Variants in PTCHD4 observed in about 807,000 individuals in gnomAD.
PTCHD4 encodes patched domain containing 4, also known as patched domain-containing protein 4.
In PTCHD4, 33 loss-of-function variants were observed where a neutral mutation model predicts 58.1. The observed-to-expected ratio is 0.57, with a 90% CI of 0.43 to 0.76. The LOEUF (loss-of-function observed/expected upper bound fraction) is 0.76, where lower values mean the gene tolerates loss of function less well. PTCHD4 is among the 30% of genes least tolerant of loss of function. The pLI, the probability that PTCHD4 is intolerant of heterozygous loss-of-function variation, is 0.00. For missense variants in PTCHD4, 1,058 were observed against 1,027.1 expected (o/e 1.03, Z -0.41); for synonymous variants, 478 against 409.6 (o/e 1.17, Z -2.02).
At chr6:47,951,036 A>C (rs565139314) in intron 4 of PTCHD4, among the ~76,000 whole-genome samples, 4 of 152,316 alleles carry the variant, frequency 2.6e-5, no homozygotes, top group African/African-American at 9.6e-5. Context: ...AAAAGAAAAA[A>C]ATCAAGGATT....
chr6:48,090,537 G>A (rs190014279), intron 1 of PTCHD4, among the ~76,000 whole-genome samples: 85 of 152,200 alleles, frequency 5.6e-4, no homozygotes, highest in African/African-American at 2.0e-3. Context: ...TTTTAACTGA[G>A]ACCTGCCTAA....
rs551290577 is a variant in PTCHD4 at position 47,908,538 on chromosome 6, G to A, written c.899-28602C>T. On this transcript the variant is annotated intron_variant, in intron 4 of 4. Coordinates refer to ENST00000339488, the MANE Select transcript of PTCHD4 (RefSeq NM_001384253.1). ...GATATAAATATGATATTACCCCATT[G>A]TGGGGGTCCTTTTGAACATAATGCC... Among the ~76,000 whole-genome samples, 4 of 152,282 alleles carry A rather than the reference G, an allele frequency of 2.6e-5. No individual in the cohort carries two copies. The South Asian group carries it at 6.2e-4, about 24-fold the overall frequency.
intron 4 of PTCHD4, among the ~76,000 whole-genome samples, chr6:47,906,498 G>A (rs1477801073): frequency 6.6e-6 from 1 of 152,172 alleles, no homozygotes; most frequent in East Asian, 1.9e-4. Flanking sequence ...GTTCTTTTGA[G>A]GGGTGGGGCA....
At chr6:47,964,081 T>C (rs1414444079) in intron 4 of PTCHD4, among the ~76,000 whole-genome samples, 2 of 152,184 alleles carry the variant, frequency 1.3e-5, no homozygotes, top group African/African-American at 4.8e-5. Flanking sequence ...ATTCCACTTA[T>C]AAGCATTATC....
intron 4 of PTCHD4, among the ~76,000 whole-genome samples, chr6:47,924,967 T>C (rs1167611460): frequency 1.3e-5 from 2 of 149,868 alleles, no homozygotes; most frequent in African/African-American, 2.4e-5. Context: ...AGCATATACA[T>C]ATATATACAT....
chr6:48,084,207 T>C (rs1037725223), intron 1 of PTCHD4, among the ~76,000 whole-genome samples: 11 of 152,202 alleles, frequency 7.2e-5, no homozygotes, highest in Non-Finnish European at 1.6e-4. Flanking sequence ...CTACAAAGCA[T>C]ATGATTTAAT....
intron 4 of PTCHD4, among the ~76,000 whole-genome samples, chr6:48,008,091 T>C (rs988644530): frequency 6.6e-6 from 1 of 152,208 alleles, no homozygotes; most frequent in Non-Finnish European, 1.5e-5. Context: ...TAGAGGATAT[T>C]TCTAAGTGGC....
intron 1 of PTCHD4, among the ~76,000 whole-genome samples, chr6:48,087,540 T>C (rs1016717047): frequency 6.6e-6 from 1 of 152,222 alleles, no homozygotes; most frequent in African/African-American, 2.4e-5. Context: ...GCATACATTG[T>C]CTTATTTAAT....
intron 4 of PTCHD4, among the ~76,000 whole-genome samples, chr6:47,939,884 C>G (rs892562026): frequency 6.6e-6 from 1 of 151,992 alleles, no homozygotes; most frequent in African/African-American, 2.4e-5. Flanking sequence ...CCTATGTTGC[C>G]CTGAAACTGG....
At chr6:48,011,220 C>G (rs1762658581) in intron 3 of PTCHD4, among the ~76,000 whole-genome samples, 1 of 152,170 alleles carries the variant, frequency 6.6e-6, no homozygotes, top group Non-Finnish European at 1.5e-5. Context: ...TCCTATTTCT[C>G]CACATCCTCT....
At chr6:47,991,448 C>T (rs943204292) in intron 4 of PTCHD4, among the ~76,000 whole-genome samples, 3 of 152,016 alleles carry the variant, frequency 2.0e-5, no homozygotes, top group Admixed American at 6.6e-5. Flanking sequence ...TTTGCACCAG[C>T]AGGACATTTC....
At chr6:47,986,933 C>T (rs1241606894) in intron 4 of PTCHD4, among the ~76,000 whole-genome samples, 1 of 152,102 alleles carries the variant, frequency 6.6e-6, no homozygotes, top group Non-Finnish European at 1.5e-5. Context: ...CAGCGTCATA[C>T]TCTGGATAAA....
Position 47,878,391 on chromosome 6 carries a change from T to C in PTCHD4, c.2444A>G (p.Lys815Arg). Residue 815 changes from lysine to arginine, a missense_variant, in exon 5 of 5, where the codon AAG becomes AGG. By Grantham distance (26) the Lys-to-Arg change is conservative. Transcript: ENST00000339488. Reference protein sequence around the residue: ...TFFPPSKKHHKKKKRAKRKER... With the variant: ...TFFPPSKKHHRKKKRAKRKER... ...CTTTCGCTTGGCACGTTTCTTTTTC[T>C]TGTGGTGCTTTTTGGAAGGGGGGAA... 6.2e-7 allele frequency: 1 copy of C among 1,613,380 alleles called. No homozygotes were observed. Among genetic ancestry groups the C allele is most frequent in the South Asian group, 1.1e-5 (1 of 91,058 alleles).
At chr6:48,009,561 T>C (rs989343658) in intron 3 of PTCHD4, among the ~76,000 whole-genome samples, 2 of 152,196 alleles carry the variant, frequency 1.3e-5, no homozygotes, top group Non-Finnish European at 2.9e-5. Flanking sequence ...CTAATCTTTC[T>C]AGGGTTCATT....
rs751085952 is a variant in PTCHD4, at chr6:48,066,916, GT to G, written c.417+1313del. Among the ~76,000 whole-genome samples, 751 of 145,778 alleles carry G rather than the reference GT, an allele frequency of 5.2e-3. 6 individuals are homozygous for G. The highest frequency in any genetic ancestry group is 7.4e-3 in the Non-Finnish European group (486 of 65,834). Reference sequence around the variant, plus strand: ...TTTTCTCTCAAAACTCCTGAAAAAGGTTTTTTTTTTTAATGTATAGATGCCG... The same window carrying G: ...TTTTCTCTCAAAACTCCTGAAAAAGGTTTTTTTTTTAATGTATAGATGCCG... On this transcript the variant is annotated intron_variant, in intron 3 of 4. Transcript: ENST00000339488.
At chr6:48,057,921 A>C (rs541788634) in intron 3 of PTCHD4, among the ~76,000 whole-genome samples, 2 of 152,310 alleles carry the variant, frequency 1.3e-5, no homozygotes, top group East Asian at 3.9e-4. Flanking sequence ...AAGCCTGATA[A>C]ATTATAGTGA....
At chr6:48,042,287 C>T (rs1213490249) in intron 3 of PTCHD4, among the ~76,000 whole-genome samples, 2 of 151,972 alleles carry the variant, frequency 1.3e-5, no homozygotes, top group Admixed American at 6.6e-5. Context: ...TCCTATCAGG[C>T]AGTGTGCAGA....
rs958732177 is a variant in PTCHD4, at chr6:47,875,400, A to T, written c.*2903T>A. On this transcript the variant is annotated 3_prime_UTR_variant, in exon 5 of 5. Coordinates refer to ENST00000339488, the MANE Select transcript of PTCHD4 (RefSeq NM_001384253.1). ...TTCAGGAAATGGAATTCTTGGAAAC[A>T]TCTGTTTCACAGTGAGGTTGGGAGG... 4.0e-5 allele frequency among the ~76,000 whole-genome samples: 6 copies of T among 151,878 alleles called. No individual in the cohort carries two copies. The East Asian group carries it at 9.7e-4, about 25-fold the overall frequency.
intron 4 of PTCHD4, among the ~76,000 whole-genome samples, chr6:47,973,639 G>A (rs1381017297): frequency 6.6e-6 from 1 of 152,190 alleles, no homozygotes; most frequent in Non-Finnish European, 1.5e-5. Flanking sequence ...ACATTCAGGA[G>A]GTTTAGGGCA....
Sources: gnomAD v4.1 joint callset for allele counts (sites outside exome capture counted in the v4.1 genomes callset) on GRCh38, gnomAD v4.1.1 for gene constraint, MANE v1.5 for transcripts, NCBI Gene and HGNC (gene_info 2026-07-23, HGNC 2026-07-21) for gene names.